The following PDSS2 variants were observed in gnomAD, a reference collection of about 807,000 sequenced individuals.
PDSS2 encodes decaprenyl diphosphate synthase subunit 2, also known as all trans-polyprenyl-diphosphate synthase PDSS2.
In PDSS2, 31 loss-of-function variants were observed where a neutral mutation model predicts 44.5. That is an observed-to-expected ratio of 0.70 (90% CI 0.52 to 0.94). The LOEUF is 0.94. PDSS2 is among the 40% of genes least tolerant of loss of function. The pLI, the probability that PDSS2 is intolerant of heterozygous loss-of-function variation, is 0.00. For missense variants in PDSS2, 452 were observed against 482.2 expected, an observed-to-expected ratio of 0.94 and a Z score of 0.59; for synonymous variants, 157 against 180.3, an observed-to-expected ratio of 0.87 and a Z score of 1.03.
intron 1 of PDSS2, among the ~76,000 whole-genome samples, chr6:107,373,765 C>G (rs1216795485): frequency 6.6e-6 from 1 of 152,196 alleles, no homozygotes; most frequent in Admixed American, 6.5e-5. Context: ...ACAGAAGCTA[C>G]GGTTCTGGCA....
Position 107,339,743 on chromosome 6 carries a change from T to C in PDSS2, c.297-5411A>G, listed in dbSNP as rs534106538. Reference sequence around the variant, plus strand: ...AAGGAAACAGGTAAGGGGGGTATATTTGCAGCACAAGGAGGGGCATATGCC... The same window carrying C: ...AAGGAAACAGGTAAGGGGGGTATATCTGCAGCACAAGGAGGGGCATATGCC... On this transcript the variant is annotated intron_variant, in intron 1 of 7. Coordinates refer to ENST00000369037, the MANE Select transcript of PDSS2 (RefSeq NM_020381.4). Among the ~76,000 whole-genome samples the C allele has an allele frequency of 4.0e-4, 61 of 152,014 alleles. 1 individual carries two copies. Among genetic ancestry groups the C allele is most frequent in the Admixed American group, 6.5e-4 (10 of 15,280 alleles).
intron 1 of PDSS2, among the ~76,000 whole-genome samples, chr6:107,447,758 G>A (rs974996652): frequency 4.6e-5 from 7 of 152,176 alleles, no homozygotes; most frequent in African/African-American, 1.7e-4. Context: ...CCACTAGGCA[G>A]TACCCCAGTG....
chr6:107,297,894 T>A (rs1347007217), intron 2 of PDSS2, among the ~76,000 whole-genome samples: 1 of 151,320 alleles, frequency 6.6e-6, no homozygotes, highest in Non-Finnish European at 1.5e-5. Context: ...TATAGGCGTG[T>A]GCCACCACTC....
At chr6:107,197,777 T>A in intron 6 of PDSS2, 1 of 469,740 alleles carries the variant, frequency 2.1e-6, no homozygotes, top group South Asian at 1.6e-5. Flanking sequence ...GCCTCTCTTC[T>A]AACCATCTCC....
chr6:107,323,452 C>A (rs1032707383), intron 2 of PDSS2, among the ~76,000 whole-genome samples: 3 of 152,094 alleles, frequency 2.0e-5, no homozygotes, highest in Non-Finnish European at 4.4e-5. Flanking sequence ...TGGTTTGAAG[C>A]CCATCATTGC....
intron 1 of PDSS2, among the ~76,000 whole-genome samples, chr6:107,399,730 A>G (rs1014696821): frequency 6.6e-6 from 1 of 152,124 alleles, no homozygotes; most frequent in South Asian, 2.1e-4. Context: ...AGTTCATTTT[A>G]TATTTTTTTC....
chr6:107,212,461 C>A (rs1773254420), intron 4 of PDSS2, among the ~76,000 whole-genome samples, 179 bp from the exon 5 acceptor site: 1 of 152,148 alleles, frequency 6.6e-6, no homozygotes, highest in Non-Finnish European at 1.5e-5. Flanking sequence ...GGTGGGAAAA[C>A]TGCTTTTTTA....
chr6:107,322,569 G>A (rs754347556), intron 2 of PDSS2, among the ~76,000 whole-genome samples: 12 of 151,962 alleles, frequency 7.9e-5, no homozygotes, highest in African/African-American at 1.2e-4. Flanking sequence ...TTGAGGCCGG[G>A]TGTGGTGGCT....
At chr6:107,169,946 G>A (rs1771503437) in intron 7 of PDSS2, among the ~76,000 whole-genome samples, 1 of 152,198 alleles carries the variant, frequency 6.6e-6, no homozygotes, top group Admixed American at 6.5e-5. Flanking sequence ...TGAGGAGGCA[G>A]TCTGTCCATT....
At chr6:107,227,821 T>C (rs188500951) in intron 4 of PDSS2, among the ~76,000 whole-genome samples, 2 of 152,290 alleles carry the variant, frequency 1.3e-5, no homozygotes, top group Admixed American at 6.5e-5. Flanking sequence ...AAAGATCATA[T>C]ATGTGGTCTT....
chr6:107,294,927 T>C (rs1420767192), intron 2 of PDSS2, among the ~76,000 whole-genome samples: 1 of 152,162 alleles, frequency 6.6e-6, no homozygotes, highest in East Asian at 1.9e-4. Flanking sequence ...ACAGGGGTTC[T>C]GTTCTTTTTT....
intron 1 of PDSS2, among the ~76,000 whole-genome samples, chr6:107,381,603 G>A (rs1180440891): frequency 1.3e-5 from 2 of 152,144 alleles, no homozygotes; most frequent in Non-Finnish European, 2.9e-5. Flanking sequence ...CAAAAACCAA[G>A]TAGACTCCTG....
At chr6:107,296,591 G>A (rs1022559196) in intron 2 of PDSS2, among the ~76,000 whole-genome samples, 1 of 152,134 alleles carries the variant, frequency 6.6e-6, no homozygotes, top group Non-Finnish European at 1.5e-5. Flanking sequence ...GCTGGGCGTG[G>A]TGGCAGGAGC....
At chr6:107,319,031 CACACACACACACT>C (rs2115161461) in intron 2 of PDSS2, among the ~76,000 whole-genome samples, 1 of 151,802 alleles carries the variant, frequency 6.6e-6, no homozygotes, top group South Asian at 2.1e-4. Flanking sequence ...CACACATACA[CACACACACACACT>C]ACACACACAC....
At chr6:107,155,233 C>A (rs1356485032) in intron 7 of PDSS2, among the ~76,000 whole-genome samples, 1 of 151,672 alleles carries the variant, frequency 6.6e-6, no homozygotes, top group African/African-American at 2.4e-5. Context: ...GCAACCTCCG[C>A]CTCCTGGGTT....
intron 1 of PDSS2, among the ~76,000 whole-genome samples, chr6:107,393,565 T>C (rs1315355068): frequency 3.9e-5 from 6 of 152,212 alleles, no homozygotes; most frequent in African/African-American, 4.8e-5. Context: ...ATGAATTTTA[T>C]GTATACTTGT....
At chr6:107,293,153 C>G (rs536328475) in intron 2 of PDSS2, among the ~76,000 whole-genome samples, 2 of 152,268 alleles carry the variant, frequency 1.3e-5, no homozygotes, top group South Asian at 4.1e-4. Flanking sequence ...TTCACTGTTG[C>G]AGCTCCCTGG....
chr6:107,392,045 A>T (rs552194231), intron 1 of PDSS2, among the ~76,000 whole-genome samples: 85 of 152,064 alleles, frequency 5.6e-4, no homozygotes, highest in African/African-American at 1.1e-3. Flanking sequence ...ATTTCTTTAT[A>T]AAAAAAACAA....
intron 1 of PDSS2, among the ~76,000 whole-genome samples, chr6:107,437,447 C>T (rs1208883118): frequency 6.7e-6 from 1 of 150,318 alleles, no homozygotes; most frequent in African/African-American, 2.5e-5. Context: ...ATTGCTTGAG[C>T]CTGAGAGGCA....
Sources: allele counts gnomAD v4.1 joint callset (sites outside exome capture counted in the v4.1 genomes callset), GRCh38; gene constraint gnomAD v4.1.1; transcripts MANE v1.5; gene names NCBI Gene and HGNC (gene_info 2026-07-23, HGNC 2026-07-21).